The following CSRNP3 variants were observed in gnomAD, a reference collection of about 807,000 sequenced individuals.
CSRNP3 encodes the protein cysteine/serine-rich nuclear protein 3.
A neutral mutation model predicts 48.0 loss-of-function variants in CSRNP3; 12 were observed. That is an observed-to-expected ratio of 0.25 (90% CI 0.16 to 0.41). The LOEUF (loss-of-function observed/expected upper bound fraction) is 0.41, where lower values mean the gene tolerates loss of function less well. Among genes scored for constraint, CSRNP3 ranks in the 10% least tolerant of loss-of-function variants. The pLI is 1.00. For synonymous variants in CSRNP3, 263 were observed against 269.7 expected (o/e 0.98, Z 0.24); for missense variants, 580 against 724.4 (o/e 0.80, Z 2.29).
chr2:165,668,943 T>C (rs1317532112), intron 5 of CSRNP3, among the ~76,000 whole-genome samples: 1 of 152,248 alleles, frequency 6.6e-6, no homozygotes, highest in African/African-American at 2.4e-5. Flanking sequence ...ATTAATTGGC[T>C]ATTTAGCTAG....
chr2:165,480,462 A>G (rs958750595), intron 1 of CSRNP3, among the ~76,000 whole-genome samples: 3 of 152,162 alleles, frequency 2.0e-5, no homozygotes, highest in African/African-American at 7.2e-5. Context: ...TACCTAGTAC[A>G]TATATGAAGT....
chr2:165,635,376 C>G (rs1686610432), intron 4 of CSRNP3, among the ~76,000 whole-genome samples: 1 of 152,156 alleles, frequency 6.6e-6, no homozygotes, highest in African/African-American at 2.4e-5. Context: ...CATTTTACTC[C>G]TGGGAAAAGA....
At chr2:165,523,343 A>T (rs1574820064) in intron 3 of CSRNP3, among the ~76,000 whole-genome samples, 1 of 152,112 alleles carries the variant, frequency 6.6e-6, no homozygotes, top group African/African-American at 2.4e-5. Flanking sequence ...CTCCTATCCA[A>T]AAAAGCAAAT....
intron 1 of CSRNP3, among the ~76,000 whole-genome samples, chr2:165,494,167 A>G (rs190106223): frequency 1.3e-5 from 2 of 152,164 alleles, no homozygotes; most frequent in Non-Finnish European, 2.9e-5. Flanking sequence ...TCTCCTTGAC[A>G]TAGGACTCAA....
intron 1 of CSRNP3, among the ~76,000 whole-genome samples, chr2:165,485,681 T>C (rs548846001): frequency 3.3e-5 from 5 of 152,288 alleles, no homozygotes; most frequent in Admixed American, 1.3e-4. Context: ...GTAGATAAAA[T>C]AGTTATTAAG....
intron 3 of CSRNP3, among the ~76,000 whole-genome samples, chr2:165,575,680 G>T (rs1468398655): frequency 6.6e-6 from 1 of 151,946 alleles, no homozygotes; most frequent in South Asian, 2.1e-4. Flanking sequence ...GTAAAATAGA[G>T]GGGGGATTGA....
chr2:165,558,760 A>G (rs1403814007), intron 3 of CSRNP3, among the ~76,000 whole-genome samples: 2 of 152,186 alleles, frequency 1.3e-5, no homozygotes, highest in Non-Finnish European at 2.9e-5. Flanking sequence ...GTATTACTCA[A>G]TTTATAGTGA....
intron 2 of CSRNP3, among the ~76,000 whole-genome samples, chr2:165,517,421 A>G (rs1684596334): frequency 6.6e-6 from 1 of 151,952 alleles, no homozygotes; most frequent in Non-Finnish European, 1.5e-5. Flanking sequence ...AAATCAAACA[A>G]ATCAAGAACT....
At chr2:165,552,171 TG>T (rs1685104535) in intron 3 of CSRNP3, among the ~76,000 whole-genome samples, 2 of 152,202 alleles carry the variant, frequency 1.3e-5, no homozygotes, top group African/African-American at 4.8e-5. Context: ...GTGGCTCAAG[TG>T]GAAATTTAAT....
At chr2:165,496,037 G>T (rs576232079) in intron 2 of CSRNP3, among the ~76,000 whole-genome samples, 243 of 151,846 alleles carry the variant, frequency 1.6e-3, no homozygotes, top group African/African-American at 5.2e-3. Flanking sequence ...GTAGTTCTGT[G>T]ACCCGAGATC....
chr2:165,653,972 C>CAAAAAAAAAAAAAAAAAAAAAAAA (rs71028497), intron 4 of CSRNP3, among the ~76,000 whole-genome samples: 4 of 41,226 alleles, frequency 9.7e-5, no homozygotes, highest in African/African-American at 3.0e-4. Flanking sequence ...AGCTCTATCA[C>CAAAAAAAAAAAAAAAAAAAAAAAA]AAAAAAAAAA....
intron 5 of CSRNP3, among the ~76,000 whole-genome samples, chr2:165,670,203 T>G (rs1033857841): frequency 8.5e-5 from 13 of 152,282 alleles, no homozygotes; most frequent in Admixed American, 1.3e-4. Context: ...TGCTACTCTA[T>G]TTTCAGATTT....
chr2:165,679,791 T>C lies in CSRNP3; in HGVS notation c.*38T>C. 6.4e-7 allele frequency: 1 copy of C among 1,574,406 alleles called. No homozygotes were observed. Among genetic ancestry groups the C allele is most frequent in the East Asian group, 2.2e-5 (1 of 44,470 alleles). ...TTCTAGGACCAACTCTTCTCTTATT[T>C]AAGGCACTGTATTTAATTGGATTTC... On this transcript the variant is annotated 3_prime_UTR_variant, in exon 7 of 7. Transcript: ENST00000651982.
intron 3 of CSRNP3, among the ~76,000 whole-genome samples, chr2:165,532,553 C>T (rs1043810478): frequency 1.1e-3 from 165 of 152,010 alleles, no homozygotes; most frequent in Non-Finnish European, 2.1e-3. Context: ...ATTGATGGGA[C>T]GTATCTCAAA....
Position 165,571,641 on chromosome 2 carries a change from G to T in CSRNP3, c.-23-23402G>T, listed in dbSNP as rs180868529. On this transcript the variant is annotated intron_variant, in intron 3 of 6. Coordinates refer to ENST00000651982, the MANE Select transcript of CSRNP3 (RefSeq NM_001172173.2). Reference sequence around the variant, plus strand: ...TATTGAGGTAAGCTGTCTAAAATAAGTTACCGCAATTTTAAAAATTAATAA... The same window carrying T: ...TATTGAGGTAAGCTGTCTAAAATAATTTACCGCAATTTTAAAAATTAATAA... Among the ~76,000 whole-genome samples the T allele has an allele frequency of 3.4e-3, 517 of 151,988 alleles. 3 individuals are homozygous for T. The highest frequency in any genetic ancestry group is 0.017 in the Middle Eastern group (5 of 292).
At chr2:165,566,371 C>T (rs1476040495) in intron 3 of CSRNP3, among the ~76,000 whole-genome samples, 2 of 151,766 alleles carry the variant, frequency 1.3e-5, no homozygotes, top group Admixed American at 1.3e-4. Context: ...CCCATGTCAA[C>T]TCTGCTGCAA....
intron 5 of CSRNP3, among the ~76,000 whole-genome samples, chr2:165,668,446 G>A (rs1006473319): frequency 4.6e-5 from 6 of 131,390 alleles, no homozygotes; most frequent in Admixed American, 4.3e-4. Flanking sequence ...CTGTCACCCA[G>A]GCTGGAGTGC....
chr2:165,614,710 T>C (rs1298964671), intron 4 of CSRNP3, among the ~76,000 whole-genome samples: 1 of 152,208 alleles, frequency 6.6e-6, no homozygotes, highest in Non-Finnish European at 1.5e-5. Flanking sequence ...CTTTATTTTG[T>C]TGATGAGTTG....
Position 165,469,732 on chromosome 2 carries a change from T to C in CSRNP3, c.-291T>C, listed in dbSNP as rs1440564350. On this transcript the variant is annotated 5_prime_UTR_variant, in exon 1 of 7. Transcript: ENST00000651982. ...TGACGGAGCCGAAGTACAGAAACCATATTTACAGGTAAGAGCGAAAAATAA... is the reference window on the plus strand; with the variant it reads ...TGACGGAGCCGAAGTACAGAAACCACATTTACAGGTAAGAGCGAAAAATAA... 1 of 152,400 alleles carries C rather than the reference T, an allele frequency of 6.6e-6. No homozygotes were observed. The highest frequency in any genetic ancestry group is 2.4e-5 in the African/African-American group (1 of 41,398). 9.4% of individuals were successfully genotyped at this position (152,400 alleles called of 1,614,324 possible).
Sources: allele counts gnomAD v4.1 joint callset (sites outside exome capture counted in the v4.1 genomes callset), GRCh38; gene constraint gnomAD v4.1.1; transcripts MANE v1.5; gene names NCBI Gene and HGNC (gene_info 2026-07-23, HGNC 2026-07-21).